Variants in DDX60 observed in about 807,000 individuals in gnomAD.
DDX60 encodes the protein probable ATP-dependent RNA helicase DDX60.
DDX60 carries 165 observed loss-of-function variants against 212.8 expected under a neutral mutation model. That is an observed-to-expected ratio of 0.78 (90% CI 0.68 to 0.88). The LOEUF (loss-of-function observed/expected upper bound fraction) is 0.88. Among genes scored for constraint, DDX60 ranks in the 40% least tolerant of loss-of-function variants. The pLI, the probability that DDX60 is intolerant of heterozygous loss-of-function variation, is 0.00. For synonymous variants in DDX60, 703 were observed against 685.3 expected (o/e 1.03, Z -0.40); for missense variants, 1,905 against 2,003.9 (o/e 0.95, Z 0.94).
At chr4:168,249,503 A>C (rs746089857) in intron 28 of DDX60, among the ~76,000 whole-genome samples, 35 of 152,218 alleles carry the variant, frequency 2.3e-4, no homozygotes, top group Non-Finnish European at 4.0e-4. Flanking sequence ...AAATGTAGAA[A>C]ATAATAATAC....
chr4:168,285,524 G>C, intron 10 of DDX60, 26 bp from the exon 11 acceptor site: 1 of 1,441,874 alleles, frequency 6.9e-7, no homozygotes, highest in Non-Finnish European at 9.6e-7. Context: ...AAAAAATTGA[G>C]ACAAGGTCAA....
upstream of DDX60, among the ~76,000 whole-genome samples, chr4:168,322,884 G>A (rs1411085001): frequency 1.3e-5 from 2 of 152,234 alleles, no homozygotes; most frequent in South Asian, 2.1e-4. Context: ...ACCAAAGGAT[G>A]GGGGGAAGCT....
intron 37 of DDX60, among the ~76,000 whole-genome samples, chr4:168,217,933 T>C (rs778274826): frequency 1.4e-4 from 22 of 152,116 alleles, no homozygotes; most frequent in Non-Finnish European, 2.9e-4. Flanking sequence ...AATAATAAAT[T>C]TGTGTTGGTT....
At chr4:168,262,560 C>T (rs1217668775) in intron 23 of DDX60, 123 bp downstream of exon 23, 20 of 653,100 alleles carry the variant, frequency 3.1e-5, no homozygotes, top group Admixed American at 1.2e-4. Context: ...AGAAGAGGCA[C>T]TCTTATTGTA....
At chr4:168,223,613 A>T (rs1364459493) in intron 35 of DDX60, among the ~76,000 whole-genome samples, 1 of 152,084 alleles carries the variant, frequency 6.6e-6, no homozygotes, top group Non-Finnish European at 1.5e-5. Context: ...ATTTTTAGAA[A>T]GTATTTAAAT....
intron 6 of DDX60, among the ~76,000 whole-genome samples, chr4:168,295,167 T>C (rs1268857896): frequency 6.6e-6 from 1 of 152,206 alleles, no homozygotes; most frequent in Non-Finnish European, 1.5e-5. Context: ...TGTAAAACGA[T>C]ATGAAGCTTC....
intron 22 of DDX60, among the ~76,000 whole-genome samples, chr4:168,264,946 C>T (rs1270416407): frequency 1.3e-5 from 2 of 152,194 alleles, no homozygotes; most frequent in Non-Finnish European, 2.9e-5. Context: ...TACCATGATG[C>T]TATTTTTGTA....
In DDX60 at chr4:168,302,309, A is replaced by G. The variant is rs948774526; in HGVS notation, c.714T>C (p.Ile238=). ...TAAAATGTTTTGTTACCTCTTCCGT[A>G]ATATTATTCCATTTTAAACTTCCAA... ...PLFGSLKWNN[I]TEEAHKTVSL... Residue 238 remains isoleucine, a synonymous_variant, in exon 6 of 38, where the codon ATT becomes ATC. Transcript: ENST00000393743. 14 of 1,502,646 alleles carry G rather than the reference A, an allele frequency of 9.3e-6. No homozygotes were observed. In the East Asian group the frequency reaches 3.2e-4, roughly 35 times the overall value. 93.1% of individuals were successfully genotyped at this position (1,502,646 alleles called of 1,614,324 possible).
intron 25 of DDX60, among the ~76,000 whole-genome samples, chr4:168,256,176 T>C (rs1386437651): frequency 1.5e-5 from 2 of 137,104 alleles, no homozygotes; most frequent in African/African-American, 2.8e-5. Flanking sequence ...CCTCTAAGAG[T>C]AGTCAAATAT....
At chr4:168,256,069 C>A (rs1734398282) in intron 25 of DDX60, among the ~76,000 whole-genome samples, 200 bp from the exon 26 acceptor site, 1 of 151,736 alleles carries the variant, frequency 6.6e-6, no homozygotes, top group Non-Finnish European at 1.5e-5. Flanking sequence ...AATAATGTTG[C>A]CTACCCTCCC....
At chr4:168,275,613 C>T (rs911112128) in intron 15 of DDX60, 110 bp from the exon 16 acceptor site, 2 of 940,744 alleles carry the variant, frequency 2.1e-6, no homozygotes, top group South Asian at 5.5e-5. Context: ...ATTTTACCAC[C>T]TTTTAAATTT....
At chr4:168,289,375 A>G (rs1234633614) in intron 8 of DDX60, among the ~76,000 whole-genome samples, 2 of 152,130 alleles carry the variant, frequency 1.3e-5, no homozygotes, top group Non-Finnish European at 2.9e-5. Flanking sequence ...CCTTGATTTT[A>G]TTCCCATCTA....
intron 17 of DDX60, 82 bp downstream of exon 17, chr4:168,273,852 G>T (rs1735209129): frequency 6.7e-7 from 1 of 1,487,454 alleles, no homozygotes; most frequent in Non-Finnish European, 9.1e-7. Context: ...AAGTGAACTA[G>T]ATCTACCATG....
intron 6 of DDX60, among the ~76,000 whole-genome samples, chr4:168,296,337 C>A (rs117285767): frequency 0.017 from 2,598 of 151,910 alleles, 125 homozygotes; most frequent in East Asian, 0.14. Context: ...TTAAAAGGAA[C>A]TACCTAAGGG....
chr4:168,237,521 T>C (rs1733672169), intron 31 of DDX60, 94 bp from the exon 32 acceptor site: 4 of 1,275,888 alleles, frequency 3.1e-6, no homozygotes, highest in Admixed American at 2.8e-5. Flanking sequence ...TTAATGCCAA[T>C]ATAAGAAATA....
At chr4:168,254,240 T>C (rs1175142308) in intron 26 of DDX60, among the ~76,000 whole-genome samples, 1 of 152,140 alleles carries the variant, frequency 6.6e-6, no homozygotes, top group Non-Finnish European at 1.5e-5. Flanking sequence ...CCTTGCTTTA[T>C]GGGAATGGAT....
intron 8 of DDX60, among the ~76,000 whole-genome samples, chr4:168,291,476 T>C (rs1736097634): frequency 6.6e-6 from 1 of 152,202 alleles, no homozygotes; most frequent in Non-Finnish European, 1.5e-5. Context: ...AACCATCAAC[T>C]ACAGTTGATA....
chr4:168,228,983 C>CAAAAA (rs1399177365), intron 33 of DDX60, among the ~76,000 whole-genome samples: 3 of 151,504 alleles, frequency 2.0e-5, no homozygotes, highest in Non-Finnish European at 4.4e-5. Flanking sequence ...TCTGGAGAGC[C>CAAAAA]AAAATAAAAA....
intron 29 of DDX60, among the ~76,000 whole-genome samples, chr4:168,247,981 C>T (rs955811047): frequency 2.6e-5 from 4 of 152,106 alleles, no homozygotes; most frequent in South Asian, 2.1e-4. Flanking sequence ...ATATCTCATC[C>T]GAGGTCACAC....
Sources: allele counts gnomAD v4.1 joint callset (sites outside exome capture counted in the v4.1 genomes callset), GRCh38; gene constraint gnomAD v4.1.1; transcripts MANE v1.5; gene names NCBI Gene and HGNC (gene_info 2026-07-23, HGNC 2026-07-21).